AGBL1: variants seen among roughly 807,000 people sequenced by gnomAD.
The protein encoded by AGBL1 is cytosolic carboxypeptidase 4.
AGBL1 carries 130 observed loss-of-function variants against 118.9 expected under a neutral mutation model. The ratio of observed to expected loss-of-function variants is 1.09; its 90% CI spans 0.95 to 1.26. The LOEUF (loss-of-function observed/expected upper bound fraction) is 1.26. Ranked by LOEUF, AGBL1 falls within the 50% of genes most tolerant of loss-of-function variation. The pLI is 0.00. For synonymous variants in AGBL1, 555 were observed against 478.9 expected (o/e 1.16, Z -2.08); for missense variants, 1,584 against 1,298.1 (o/e 1.22, Z -3.38).
At chr15:86,187,631 G>A (rs931279035) in intron 5 of AGBL1, among the ~76,000 whole-genome samples, 2 of 152,112 alleles carry the variant, frequency 1.3e-5, no homozygotes, top group Non-Finnish European at 2.9e-5. Flanking sequence ...GCATATCAGG[G>A]CCCAGAACAA....
At chr15:86,917,767 A>C (rs948001847), downstream of AGBL1, among the ~76,000 whole-genome samples, 12 of 113,268 alleles carry the variant, frequency 1.1e-4, no homozygotes, top group African/African-American at 3.5e-4. This position sits in a 1 kb window ranked among gnomAD's most constrained non-coding sequence, Gnocchi z 4.8. Context: ...AGGGGTGTGC[A>C]CTGGGAGAGA....
chr15:86,137,941 G>T (rs988307025), intron 1 of AGBL1, among the ~76,000 whole-genome samples: 3 of 152,170 alleles, frequency 2.0e-5, no homozygotes, highest in African/African-American at 7.2e-5. Context: ...CATATGCCCA[G>T]TTCTATATCC....
rs2080316687 is a variant in AGBL1 at position 86,908,999 on chromosome 15, T to C, written c.*1705T>C. On this transcript the variant is annotated 3_prime_UTR_variant, in exon 23 of 23. Coordinates refer to ENST00000614907, the MANE Select transcript of AGBL1 (RefSeq NM_001386094.1). Reference sequence around the variant, plus strand: ...CTTCTGCAGTTTTCTGGCTCTACTGTGTGTGCTTCTACTCTTGGTCTAGAA... The same window carrying C: ...CTTCTGCAGTTTTCTGGCTCTACTGCGTGTGCTTCTACTCTTGGTCTAGAA... The C allele has an allele frequency of 6.6e-6, 1 of 152,242 alleles. No homozygotes were observed. Among genetic ancestry groups the C allele is most frequent in the Non-Finnish European group, 1.5e-5 (1 of 68,044 alleles). 9.4% of individuals were successfully genotyped at this position (152,242 alleles called of 1,614,324 possible). A position where few individuals can be genotyped will look rare whatever the true frequency, so the allele number is the denominator to read the frequency against.
At chr15:86,767,691 C>T (rs2078115998) in intron 22 of AGBL1, among the ~76,000 whole-genome samples, 1 of 151,832 alleles carries the variant, frequency 6.6e-6, no homozygotes, top group Non-Finnish European at 1.5e-5. Context: ...CTGAGATTTG[C>T]TTCTGAGGCT....
intron 4 of AGBL1, among the ~76,000 whole-genome samples, chr15:86,156,794 C>CTTTTT (rs773611214): frequency 6.6e-5 from 7 of 105,534 alleles, no homozygotes; most frequent in Admixed American, 2.0e-4. Flanking sequence ...TCTTTTCTTT[C>CTTTTT]TTTTTTTTTT....
At chr15:86,440,502 T>C (rs1166828515) in intron 18 of AGBL1, among the ~76,000 whole-genome samples, 1 of 150,710 alleles carries the variant, frequency 6.6e-6, no homozygotes, top group African/African-American at 2.4e-5. Flanking sequence ...ATAATAATAA[T>C]AATAATAATA....
chr15:86,681,352 C>G (rs780886584), intron 22 of AGBL1, among the ~76,000 whole-genome samples: 5 of 152,116 alleles, frequency 3.3e-5, no homozygotes, highest in Non-Finnish European at 5.9e-5. Context: ...CATGTTTGTA[C>G]TATTGCCAGC....
At chr15:86,127,229 T>C (rs766499311) in intron 1 of AGBL1, among the ~76,000 whole-genome samples, 34 of 152,226 alleles carry the variant, frequency 2.2e-4, no homozygotes, top group Non-Finnish European at 3.7e-4. Context: ...TTTTCAACCG[T>C]GGACATAGGT....
At chr15:86,126,610 T>C (rs901565687) in intron 1 of AGBL1, among the ~76,000 whole-genome samples, 1 of 152,238 alleles carries the variant, frequency 6.6e-6, no homozygotes, top group Non-Finnish European at 1.5e-5. Flanking sequence ...CTCTTATCCA[T>C]ACTTATTACC....
intron 5 of AGBL1, among the ~76,000 whole-genome samples, chr15:86,208,244 G>A (rs2078028063): frequency 6.6e-6 from 1 of 152,090 alleles, no homozygotes; most frequent in Non-Finnish European, 1.5e-5. Flanking sequence ...GAGGATTTTT[G>A]CATCGATGTT....
At chr15:86,944,562 T>C (rs774487877) in intron 23 of AGBL1, among the ~76,000 whole-genome samples, 1 of 152,074 alleles carries the variant, frequency 6.6e-6, no homozygotes, top group Non-Finnish European at 1.5e-5. Flanking sequence ...ACTTTAGCAA[T>C]GTTGAAGTCA....
intron 21 of AGBL1, among the ~76,000 whole-genome samples, chr15:86,670,177 G>C (rs1294544327): frequency 6.6e-6 from 1 of 151,910 alleles, no homozygotes; most frequent in Admixed American, 6.6e-5. Context: ...TATTAGGAAG[G>C]GTTCCCTGAA....
At chr15:86,484,944 T>C (rs2082695594) in intron 18 of AGBL1, among the ~76,000 whole-genome samples, 2 of 152,186 alleles carry the variant, frequency 1.3e-5, no homozygotes, top group South Asian at 4.1e-4. Flanking sequence ...TTACTTAGAA[T>C]ACTTCACTGT....
chr15:86,457,122 C>T (rs2082270573), intron 18 of AGBL1, among the ~76,000 whole-genome samples: 1 of 151,658 alleles, frequency 6.6e-6, no homozygotes, highest in African/African-American at 2.4e-5. Flanking sequence ...TTCAAATACG[C>T]ATTCTTAAAA....
Position 86,907,846 on chromosome 15 carries a change from G to A in AGBL1, c.*552G>A, listed in dbSNP as rs1291267936. On this transcript the variant is annotated 3_prime_UTR_variant, in exon 23 of 23. Coordinates refer to ENST00000614907, the MANE Select transcript of AGBL1 (RefSeq NM_001386094.1). ...TGAAAAACTGTGCATCCAAGTAATTGCAGGTTTCATCTGTGATCTTCTCAA... is the reference window on the plus strand; with the variant it reads ...TGAAAAACTGTGCATCCAAGTAATTACAGGTTTCATCTGTGATCTTCTCAA... 2 of 152,168 alleles carry A rather than the reference G, an allele frequency of 1.3e-5. No homozygotes were observed. Among genetic ancestry groups the A allele is most frequent in the Non-Finnish European group, 2.9e-5 (2 of 68,044 alleles). 9.4% of individuals were successfully genotyped at this position (152,168 alleles called of 1,614,324 possible).
chr15:86,632,227 C>T (rs62031359), intron 21 of AGBL1, among the ~76,000 whole-genome samples: 35,935 of 147,446 alleles, frequency 0.24, 4,885 homozygotes, highest in East Asian at 0.43. Context: ...ATGATCATGC[C>T]ACTGCACTCC....
rs79822250 is a variant in AGBL1, at chr15:86,576,519, C to A, written c.2994+21982C>A. On this transcript the variant is annotated intron_variant, in intron 21 of 22. Coordinates refer to ENST00000614907, the MANE Select transcript of AGBL1 (RefSeq NM_001386094.1). ...GCTGCCTTTGATTGGCCGAAACCAG[C>A]CAAAGTGACTGACACAAGAGTAAGT... 4.5e-3 allele frequency among the ~76,000 whole-genome samples: 679 copies of A among 152,272 alleles called. 8 individuals carry two copies. Among genetic ancestry groups the A allele is most frequent in the African/African-American group, 0.016 (646 of 41,558 alleles).
At chr15:86,342,129 G>A (rs1272698969) in intron 17 of AGBL1, among the ~76,000 whole-genome samples, 2 of 152,116 alleles carry the variant, frequency 1.3e-5, no homozygotes, top group East Asian at 1.9e-4. Context: ...ATGTTTCTCC[G>A]CTTGTTATCT....
intron 3 of AGBL1, 66 bp downstream of exon 3, chr15:86,143,911 AT>A: frequency 6.4e-7 from 1 of 1,557,034 alleles, no homozygotes; most frequent in Non-Finnish European, 8.7e-7. Flanking sequence ...CATGAGTGCA[AT>A]TTGGGAAGCT....
Sources: allele counts gnomAD v4.1 joint callset (sites outside exome capture counted in the v4.1 genomes callset), GRCh38; gene constraint gnomAD v4.1.1; non-coding constraint Gnocchi (gnomAD v3.1); transcripts MANE v1.5; gene names NCBI Gene and HGNC (gene_info 2026-07-23, HGNC 2026-07-21).